Variants in FSIP2 observed in about 807,000 individuals in gnomAD.
FSIP2 encodes fibrous sheath interacting protein 2, also known as fibrous sheath-interacting protein 2.
FSIP2 carries 367 observed loss-of-function variants against 510.5 expected under a neutral mutation model. The observed-to-expected ratio is 0.72, with a 90% CI of 0.66 to 0.78. The LOEUF (loss-of-function observed/expected upper bound fraction) is 0.78. Among genes scored for constraint, FSIP2 ranks in the 30% least tolerant of loss-of-function variants. The pLI is 0.00. For missense variants in FSIP2, 7,594 were observed against 7,901.7 expected (o/e 0.96, Z 1.48); for synonymous variants, 2,601 against 2,732.2 (o/e 0.95, Z 1.50).
chr2:185,761,748 A>G (rs1417203363), intron 10 of FSIP2, among the ~76,000 whole-genome samples: 3 of 151,208 alleles, frequency 2.0e-5, no homozygotes, highest in African/African-American at 7.3e-5. Flanking sequence ...GTAAGTTTAT[A>G]CATTGCTACA....
At chr2:185,745,648 C>A (rs1161779986) in intron 5 of FSIP2, 80 bp downstream of exon 5, 6 of 1,236,064 alleles carry the variant, frequency 4.9e-6, no homozygotes, top group Non-Finnish European at 6.6e-6. Context: ...GAATTGAAGA[C>A]AATTTAAGTA....
At chr2:185,778,946 C>T (rs980934896) in intron 13 of FSIP2, among the ~76,000 whole-genome samples, 1 of 151,960 alleles carries the variant, frequency 6.6e-6, no homozygotes. Flanking sequence ...ATTTTAGAAT[C>T]ATCATATCTT....
rs1693183743 is a variant in FSIP2, at chr2:185,793,319, CAA to C, written c.6185_6186del (p.Lys2062ArgfsTer12). The C allele has an allele frequency of 6.5e-7, 1 of 1,534,128 alleles. No homozygotes were observed. The highest frequency in any genetic ancestry group is 8.7e-7 in the Non-Finnish European group (1 of 1,145,616). Reference protein sequence around the residue: ...KGKCDKNSSDKEIDLDQQKGV... With the variant: ...KGKCDKNSSDXEIDLDQQKGV... Reference sequence around the variant, plus strand: ...GCAAATGTGACAAAAACAGTTCTGACAAAGAGATCGATTTAGATCAGCAAAAA... The same window carrying C: ...GCAAATGTGACAAAAACAGTTCTGACAGAGATCGATTTAGATCAGCAAAAA... On this transcript the variant is annotated frameshift_variant, in exon 16 of 23. Coordinates refer to ENST00000424728, the MANE Select transcript of FSIP2 (RefSeq NM_173651.4). LOFTEE classifies it high-confidence loss of function.
At position 185,804,325 on chromosome 2, in the gene FSIP2, T is replaced by C. The variant is rs1453527612; in HGVS notation, c.15019T>C (p.Phe5007Leu). ...TTSEILVADNFDKNLCFSERY... is the reference protein window; with the variant it reads ...TTSEILVADNLDKNLCFSERY... ...ATCAGAGATTTTAGTTGCAGATAAC[T>C]TTGATAAAAATTTGTGTTTCTCAGA... Residue 5007 changes from phenylalanine (F) to leucine (L), a missense_variant, in exon 17 of 23, where the codon TTT (phenylalanine) becomes CTT (leucine). Physicochemically the swap from Phe to Leu is conservative, Grantham distance 22. Coordinates refer to ENST00000424728, the MANE Select transcript of FSIP2 (RefSeq NM_173651.4). 6.6e-7 allele frequency: 1 copy of C among 1,507,818 alleles called. No homozygotes were observed. The highest frequency in any genetic ancestry group is 8.8e-7 in the Non-Finnish European group (1 of 1,136,420). The allele number at this position is 1,507,818 out of a possible 1,614,324, so 93.4% of individuals were successfully genotyped here.
At position 185,793,816 on chromosome 2, in the gene FSIP2, A is replaced by G; in HGVS notation, c.6680A>G (p.Asp2227Gly). The G allele has an allele frequency of 6.5e-7, 1 of 1,532,650 alleles. No homozygotes were observed. Among genetic ancestry groups the G allele is most frequent in the Non-Finnish European group, 8.7e-7 (1 of 1,145,204 alleles). 94.9% of individuals were successfully genotyped at this position (1,532,650 alleles called of 1,614,324 possible). A position where few individuals can be genotyped will look rare whatever the true frequency, so the allele number is the denominator to read the frequency against. ...SRNQKSAYADDNQITVVEKED... is the reference protein window; with the variant it reads ...SRNQKSAYADGNQITVVEKED... ...AATCAGAAATCAGCTTATGCTGATG[A>G]TAATCAGATAACTGTAGTAGAGAAA... The change falls in exon 16 of 23, where the codon GAT becomes GGT. Residue 2227 changes from aspartate to glycine, a missense_variant. Physicochemically the swap from Asp to Gly is moderately conservative, Grantham distance 94. Transcript: ENST00000424728.
chr2:185,772,991 G>A (rs1692638882), intron 13 of FSIP2, among the ~76,000 whole-genome samples: 1 of 151,986 alleles, frequency 6.6e-6, no homozygotes, highest in Admixed American at 6.6e-5. Context: ...TTCCCAAATA[G>A]CTGAGACTAC....
chr2:185,789,054 CTCAGAAGTTGTAAA>C lies in FSIP2; in HGVS notation c.1924_1937del (p.Ser642Ter). On this transcript the variant is annotated frameshift_variant, in exon 16 of 23. Coordinates refer to ENST00000424728, the MANE Select transcript of FSIP2 (RefSeq NM_173651.4). LOFTEE classifies it high-confidence loss of function. Reference sequence around the variant, plus strand: ...CAACTTGCTATATTCATACCCTAAGCTCAGAAGTTGTAAATCAGATAGTCACCTTTTAGCATCAT... The same window carrying C: ...CAACTTGCTATATTCATACCCTAAGCTCAGATAGTCACCTTTTAGCATCAT... The C allele has an allele frequency of 6.5e-7, 1 of 1,534,334 alleles. No individual in the cohort carries two copies. The highest frequency in any genetic ancestry group is 8.7e-7 in the Non-Finnish European group (1 of 1,145,552).
Position 185,763,166 on chromosome 2 carries a change from A to C in FSIP2, c.1241-17A>C. 2 of 1,079,016 alleles carry C rather than the reference A, an allele frequency of 1.9e-6. No individual in the cohort carries two copies. Among genetic ancestry groups the C allele is most frequent in the Non-Finnish European group, 2.7e-6 (2 of 731,108 alleles). 66.8% of individuals were successfully genotyped at this position (1,079,016 alleles called of 1,614,324 possible). A position where few individuals can be genotyped will look rare whatever the true frequency, so the allele number is the denominator to read the frequency against. On this transcript the variant is annotated splice_polypyrimidine_tract_variant and intron_variant, in intron 11 of 22. Transcript: ENST00000424728. ...ATATCAGCTTCTCATATTTAAAGTT[A>C]TCTCTTCTTTCTCTAGGAGGTATAA...
Position 185,792,311 on chromosome 2 carries a change from A to G in FSIP2, c.5175A>G (p.Ser1725=), listed in dbSNP as rs1242568346. 6.5e-6 allele frequency: 10 copies of G among 1,530,824 alleles called. No homozygotes were observed. Among genetic ancestry groups the G allele is most frequent in the Non-Finnish European group, 8.7e-6 (10 of 1,144,494 alleles). The allele number at this position is 1,530,824 out of a possible 1,614,324, so 94.8% of individuals were successfully genotyped here. The change falls in exon 16 of 23, where the codon TCA becomes TCG. Residue 1725 remains serine, a synonymous_variant. Transcript: ENST00000424728. ...TTCCTGGAGGAGCTGAATCAGATTC[A>G]TTTCTAGAAGATGATGCATATACAG... is the stretch of plus-strand genomic sequence containing the variant. ...GSLPGGAESD[S]FLEDDAYTAK... is the part of the protein sequence containing the mutation.
rs187627332 is a variant in FSIP2 at position 185,777,862 on chromosome 2, C to A, written c.1412-4843C>A. On this transcript the variant is annotated intron_variant, in intron 13 of 22. Coordinates refer to ENST00000424728, the MANE Select transcript of FSIP2 (RefSeq NM_173651.4). ...AGTTTTCGTGTCAAGATTATACTAG[C>A]CCCATGAGTTAATTATGTTGCCTGC... 5.3e-5 allele frequency among the ~76,000 whole-genome samples: 8 copies of A among 152,124 alleles called. No homozygotes were observed. The East Asian group carries it at 1.5e-3, about 29-fold the overall frequency.
Position 185,800,989 on chromosome 2 carries a change from T to C in FSIP2, c.11683T>C (p.Leu3895=). The part of the protein sequence containing the change: ...IKARKSELIE[L]GQSKSSLELR... ...AGCAAGAAAGTCAGAATTAATAGAA[T>C]TAGGACAGAGTAAAAGTTCTTTAGA... Residue 3895 remains leucine (L), a synonymous_variant, in exon 17 of 23, where the codon TTA becomes CTA. Coordinates refer to ENST00000424728, the MANE Select transcript of FSIP2 (RefSeq NM_173651.4). 1 of 1,531,334 alleles carries C rather than the reference T, an allele frequency of 6.5e-7. No individual in the cohort carries two copies. Among genetic ancestry groups the C allele is most frequent in the Non-Finnish European group, 8.7e-7 (1 of 1,143,854 alleles). The allele number at this position is 1,531,334 out of a possible 1,614,324, so 94.9% of individuals were successfully genotyped here.
intron 19 of FSIP2, among the ~76,000 whole-genome samples, chr2:185,822,584 C>T (rs1292082589): frequency 2.0e-5 from 3 of 151,750 alleles, no homozygotes; most frequent in Non-Finnish European, 4.4e-5. Context: ...TAGAAAGACA[C>T]CTCATGTTTA....
intron 8 of FSIP2, among the ~76,000 whole-genome samples, chr2:185,754,855 A>G (rs1040486112): frequency 6.6e-6 from 1 of 151,498 alleles, no homozygotes; most frequent in Admixed American, 6.6e-5. Flanking sequence ...TAACCTCCCT[A>G]AGCCAGTTTC....
intron 19 of FSIP2, among the ~76,000 whole-genome samples, chr2:185,821,075 AG>A (rs1465084497): frequency 1.9e-5 from 2 of 103,058 alleles, no homozygotes; most frequent in African/African-American, 7.3e-5. Context: ...AGATTGCCTA[AG>A]GAAAGAAAGA....
Position 185,804,706 on chromosome 2 carries a change from C to G in FSIP2, c.15400C>G (p.His5134Asp). 6.5e-7 allele frequency: 1 copy of G among 1,530,956 alleles called. No individual in the cohort carries two copies. Among genetic ancestry groups the G allele is most frequent in the Non-Finnish European group, 8.7e-7 (1 of 1,144,376 alleles). The allele number at this position is 1,530,956 out of a possible 1,614,324, so 94.8% of individuals were successfully genotyped here. A position where few individuals can be genotyped will look rare whatever the true frequency, so the allele number is the denominator to read the frequency against. Residue 5134 changes from histidine to aspartate, a missense_variant, in exon 17 of 23, where the codon CAC (histidine) becomes GAC (aspartate). Physicochemically the swap from His to Asp is moderately conservative, Grantham distance 81. Coordinates refer to ENST00000424728, the MANE Select transcript of FSIP2 (RefSeq NM_173651.4). Reference protein sequence around the residue: ...RLLGHVFPSTHTENELKEKKF... With the variant: ...RLLGHVFPSTDTENELKEKKF... ...TCTAGGGCATGTCTTCCCTTCAACTCACACTGAAAATGAACTAAAAGAGAA... is the reference window on the plus strand; with the variant it reads ...TCTAGGGCATGTCTTCCCTTCAACTGACACTGAAAATGAACTAAAAGAGAA...
intron 13 of FSIP2, among the ~76,000 whole-genome samples, chr2:185,769,240 A>G (rs1249617520): frequency 6.6e-6 from 1 of 152,180 alleles, no homozygotes; most frequent in Non-Finnish European, 1.5e-5. Flanking sequence ...GAATTAATTT[A>G]CACTCCCACC....
Position 185,739,482 on chromosome 2 carries a change from T to G in FSIP2, c.225+11T>G. ...AATTTCGGTGAAAAGGTGAACAAGT[T>G]TTTATCGTCTTTCTTTCCTTTACCC... On this transcript the variant is annotated intron_variant, in intron 2 of 22. Transcript: ENST00000424728. 1 of 1,488,320 alleles carries G rather than the reference T, an allele frequency of 6.7e-7. No individual in the cohort carries two copies. 92.2% of individuals were successfully genotyped at this position (1,488,320 alleles called of 1,614,324 possible).
chr2:185,803,745 G>A lies in FSIP2; in HGVS notation c.14439G>A (p.Glu4813=), dbSNP rs985387398. 1 of 1,532,550 alleles carries A rather than the reference G, an allele frequency of 6.5e-7. No individual in the cohort carries two copies. Among genetic ancestry groups the A allele is most frequent in the South Asian group, 1.2e-5 (1 of 83,842 alleles). The allele number at this position is 1,532,550 out of a possible 1,614,324, so 94.9% of individuals were successfully genotyped here. The change falls in exon 17 of 23, where the codon GAG becomes GAA. Residue 4813 remains glutamate, a synonymous_variant. Coordinates refer to ENST00000424728, the MANE Select transcript of FSIP2 (RefSeq NM_173651.4). ...SQISPLNTSA[E]QSDTTKSDLS... ...TAAGTCCATTGAACACCAGTGCAGA[G>A]CAGTCAGATACTACTAAATCAGACT...
rs754891260 is a variant in FSIP2 at position 185,768,771 on chromosome 2, A to G, written c.1411+4206A>G. Reference sequence around the variant, plus strand: ...TAGTACTCAATCATTATTTTTTCTGATCCTCTCCCTGCTCCAACCCTCTAC... The same window carrying G: ...TAGTACTCAATCATTATTTTTTCTGGTCCTCTCCCTGCTCCAACCCTCTAC... On this transcript the variant is annotated intron_variant, in intron 13 of 22. Transcript: ENST00000424728. Among the ~76,000 whole-genome samples, 72 of 151,498 alleles carry G rather than the reference A, an allele frequency of 4.8e-4. No individual in the cohort carries two copies. In the Middle Eastern group the frequency reaches 0.01, roughly 21 times the overall value.
Sources: allele counts gnomAD v4.1 joint callset (sites outside exome capture counted in the v4.1 genomes callset), GRCh38; gene constraint gnomAD v4.1.1; transcripts MANE v1.5; gene names NCBI Gene and HGNC (gene_info 2026-07-23, HGNC 2026-07-21).